The following UCN3 variants were observed in gnomAD, a reference collection of about 807,000 sequenced individuals.
UCN3 encodes the protein urocortin-3.
UCN3 carries 3 observed loss-of-function variants against 3.6 expected under a neutral mutation model. The ratio of observed to expected loss-of-function variants is 0.83; its 90% CI spans 0.38 to 2.15. The LOEUF is 2.15. Among genes scored for constraint, UCN3 ranks in the 30% most tolerant of loss-of-function variants. The pLI, the probability that UCN3 is intolerant of heterozygous loss-of-function variation, is 0.06. For synonymous variants in UCN3, 100 were observed against 93.2 expected, an observed-to-expected ratio of 1.07 and a Z score of -0.42; for missense variants, 206 against 208.3, an observed-to-expected ratio of 0.99 and a Z score of 0.07.
chr10:5,370,569 A>ATG (rs1210833023), intron 1 of UCN3, among the ~76,000 whole-genome samples: 2 of 61,238 alleles, frequency 3.3e-5, no homozygotes, highest in Non-Finnish European at 5.9e-5. Flanking sequence ...GTGTGTGTAT[A>ATG]TGCGTGTATA....
rs1554811417 is a variant in UCN3 at position 5,370,850 on chromosome 10, C to CGCGTGTGT, written c.-6-2863_-6-2856dup. ...GCGCGTGTGTGTGCGCGTGTGTGTG[C>CGCGTGTGT]GCGTGTGTGTGCGTGTGTATGTGTG... On this transcript the variant is annotated intron_variant, in intron 1 of 1. Transcript: ENST00000380433. Among the ~76,000 whole-genome samples, 7 of 63,652 alleles carry CGCGTGTGT rather than the reference C, an allele frequency of 1.1e-4. 1 individual carries two copies. Among genetic ancestry groups the CGCGTGTGT allele is most frequent in the Non-Finnish European group, 1.8e-4 (6 of 33,020 alleles). The allele number at this position is 63,652 out of a possible 152,430, so 41.8% of individuals were successfully genotyped here.
Position 5,366,940 on chromosome 10 carries a change from C to T in UCN3, c.-7+1710C>T, listed in dbSNP as rs564606429. ...TCCCTGACACTTTCACAGATTTTTC[C>T]ACACCTTCAGCACCCTAGCCGTGAT... On this transcript the variant is annotated intron_variant, in intron 1 of 1. Coordinates refer to ENST00000380433, the MANE Select transcript of UCN3 (RefSeq NM_053049.4). The surrounding 1 kb of genome is among the most constrained non-coding windows in gnomAD (Gnocchi z 4.2). Among the ~76,000 whole-genome samples the T allele has an allele frequency of 3.3e-5, 5 of 152,302 alleles. No homozygotes were observed. In the East Asian group the frequency reaches 7.7e-4, roughly 23 times the overall value.
At chr10:5,369,766 A>C (rs1831308962) in intron 1 of UCN3, among the ~76,000 whole-genome samples, 1 of 152,240 alleles carries the variant, frequency 6.6e-6, no homozygotes, top group South Asian at 2.1e-4. Context: ...TAGACAAAAA[A>C]ATTAAAGGAA....
At chr10:5,369,412 G>A (rs535109476) in intron 1 of UCN3, among the ~76,000 whole-genome samples, 1 of 152,314 alleles carries the variant, frequency 6.6e-6, no homozygotes, top group East Asian at 1.9e-4. Context: ...ACACATTGAC[G>A]TTTCTCATCG....
intron 1 of UCN3, among the ~76,000 whole-genome samples, chr10:5,369,931 G>GTA (rs1564442107): frequency 1.6e-5 from 2 of 127,222 alleles, no homozygotes; most frequent in African/African-American, 3.3e-5. Context: ...GTGTATGTGT[G>GTA]TGTGTGTATG....
In UCN3 at chr10:5,366,051, A is replaced by G. The variant is rs1834114724; in HGVS notation, c.-7+821A>G. 6.6e-6 allele frequency among the ~76,000 whole-genome samples: 1 copy of G among 152,226 alleles called. No homozygotes were observed. The highest frequency in any genetic ancestry group is 2.4e-5 in the African/African-American group (1 of 41,454). On this transcript the variant is annotated intron_variant, in intron 1 of 1. Coordinates refer to ENST00000380433, the MANE Select transcript of UCN3 (RefSeq NM_053049.4). The surrounding 1 kb of genome is among the most constrained non-coding windows in gnomAD (Gnocchi z 4.2). ...GTTTTAAGTGGTCTAGTTTCAGTTTAACTTCTTATCAGTGTTTGCAGACAA... is the reference window on the plus strand; with the variant it reads ...GTTTTAAGTGGTCTAGTTTCAGTTTGACTTCTTATCAGTGTTTGCAGACAA...
In UCN3 at chr10:5,374,262, G is replaced by A. The variant is rs1588403919; in HGVS notation, c.*56G>A. 1 of 427,664 alleles carries A rather than the reference G, an allele frequency of 2.3e-6. No individual in the cohort carries two copies. Among genetic ancestry groups the A allele is most frequent in the Non-Finnish European group, 4.3e-6 (1 of 233,278 alleles). The allele number at this position is 427,664 out of a possible 1,614,324, so 26.5% of individuals were successfully genotyped here. A position where few individuals can be genotyped will look rare whatever the true frequency, so the allele number is the denominator to read the frequency against. On this transcript the variant is annotated 3_prime_UTR_variant, in exon 2 of 2. Transcript: ENST00000380433. Reference sequence around the variant, plus strand: ...TGGGGAGGGGGAGGGGAGGGGGAGGGGAGGGCGAGGGGGGGAGGGGAGGGG... The same window carrying A: ...TGGGGAGGGGGAGGGGAGGGGGAGGAGAGGGCGAGGGGGGGAGGGGAGGGG...
chr10:5,371,037 C>G (rs1008650358), intron 1 of UCN3, among the ~76,000 whole-genome samples: 2 of 139,308 alleles, frequency 1.4e-5, no homozygotes, highest in South Asian at 2.3e-4. Flanking sequence ...GTGCATGTGT[C>G]TATATGTATG....
rs1324712715 is a variant in UCN3, at chr10:5,374,476, C to T, written c.*270C>T. 4 of 381,436 alleles carry T rather than the reference C, an allele frequency of 1.0e-5. No individual in the cohort carries two copies. The highest frequency in any genetic ancestry group is 1.9e-5 in the Non-Finnish European group (4 of 206,638). The allele number at this position is 381,436 out of a possible 1,614,324, so 23.6% of individuals were successfully genotyped here. The stretch of plus-strand genomic sequence containing the variant: ...AGCTAACGTTCCTCCCTGTACTCAG[C>T]GTCTCCTTCCTCCCTCCCCACAGCA... On this transcript the variant is annotated 3_prime_UTR_variant, in exon 2 of 2. Coordinates refer to ENST00000380433, the MANE Select transcript of UCN3 (RefSeq NM_053049.4).
At position 5,369,873 on chromosome 10, in the gene UCN3, A is replaced by ATGTGTGTGTGTGTATATGTGTGTGTG. The variant is rs1564441995; in HGVS notation, c.-6-3841_-6-3840insGTGTGTGTGTGTATATGTGTGTGTGT. On this transcript the variant is annotated intron_variant, in intron 1 of 1. Coordinates refer to ENST00000380433, the MANE Select transcript of UCN3 (RefSeq NM_053049.4). The stretch of plus-strand genomic sequence containing the variant: ...CATTTATCCACGTGGGTGTGTGTGT[A>ATGTGTGTGTGTGTATATGTGTGTGTG]TATGTGTGTGTATATGTGTGTGTGT... Among the ~76,000 whole-genome samples, 8 of 66,142 alleles carry ATGTGTGTGTGTGTATATGTGTGTGTG rather than the reference A, an allele frequency of 1.2e-4. 1 individual carries two copies. The highest frequency in any genetic ancestry group is 4.6e-4 in the African/African-American group (8 of 17,244). 43.4% of individuals were successfully genotyped at this position (66,142 alleles called of 152,430 possible). A position where few individuals can be genotyped will look rare whatever the true frequency, so the allele number is the denominator to read the frequency against.
In UCN3 at chr10:5,374,406, TAC is replaced by T. The variant is rs1478318086; in HGVS notation, c.*206_*207del. 1.7e-6 allele frequency: 1 copy of T among 592,738 alleles called. No individual in the cohort carries two copies. Among genetic ancestry groups the T allele is most frequent in the Non-Finnish European group, 3.0e-6 (1 of 338,372 alleles). The allele number at this position is 592,738 out of a possible 1,614,324, so 36.7% of individuals were successfully genotyped here. On this transcript the variant is annotated 3_prime_UTR_variant, in exon 2 of 2. Transcript: ENST00000380433. ...CCCTGTCTCCCTCCTGCTCTGTCTGTACACACAGAAGTGCAGTATTGTCCAAC... is the reference window on the plus strand; with the variant it reads ...CCCTGTCTCCCTCCTGCTCTGTCTGTACACAGAAGTGCAGTATTGTCCAAC...
chr10:5,371,512 G>T (rs1048731563), intron 1 of UCN3, among the ~76,000 whole-genome samples: 6 of 152,122 alleles, frequency 3.9e-5, no homozygotes, highest in South Asian at 2.1e-4. Context: ...AAGAGACCCA[G>T]GCTCCCTTTG....
chr10:5,370,102 CGT>C (rs1322858289), intron 1 of UCN3, among the ~76,000 whole-genome samples: 6 of 33,284 alleles, frequency 1.8e-4, no homozygotes, highest in African/African-American at 5.3e-4. Context: ...TGTGTATATG[CGT>C]GTGTATATGT....
chr10:5,370,655 ATG>A lies in UCN3; in HGVS notation c.-6-3052_-6-3051del, dbSNP rs1277584252. Among the ~76,000 whole-genome samples, 62 of 56,804 alleles carry A rather than the reference ATG, an allele frequency of 1.1e-3. 9 individuals carry two copies. Among genetic ancestry groups the A allele is most frequent in the South Asian group, 2.5e-3 (3 of 1,196 alleles). 37.3% of individuals were successfully genotyped at this position (56,804 alleles called of 152,430 possible). A position where few individuals can be genotyped will look rare whatever the true frequency, so the allele number is the denominator to read the frequency against. Reference sequence around the variant, plus strand: ...TGTATGTGTGTGTATATGTGTGTGTATGTGTGTGTATGTGTGTGTATGTGTGT... The same window carrying A: ...TGTATGTGTGTGTATATGTGTGTGTATGTGTGTATGTGTGTGTATGTGTGT... On this transcript the variant is annotated intron_variant, in intron 1 of 1. Coordinates refer to ENST00000380433, the MANE Select transcript of UCN3 (RefSeq NM_053049.4).
At position 5,369,841 on chromosome 10, in the gene UCN3, G is replaced by C. The variant is rs1004589449; in HGVS notation, c.-6-3874G>C. Among the ~76,000 whole-genome samples the C allele has an allele frequency of 1.3e-5, 2 of 151,326 alleles. 1 individual carries two copies. Among genetic ancestry groups the C allele is most frequent in the Non-Finnish European group, 2.9e-5 (2 of 67,916 alleles). On this transcript the variant is annotated intron_variant, in intron 1 of 1. Transcript: ENST00000380433. ...AACAGGCTTTGACAGGAAATGTGCTGGGTAAACATTTATCCACGTGGGTGT... is the reference window on the plus strand; with the variant it reads ...AACAGGCTTTGACAGGAAATGTGCTCGGTAAACATTTATCCACGTGGGTGT...
chr10:5,370,066 T>C (rs148690627), intron 1 of UCN3, among the ~76,000 whole-genome samples: 2 of 42,272 alleles, frequency 4.7e-5, no homozygotes, highest in African/African-American at 1.8e-4. Context: ...TGTGTGTATA[T>C]GTGTGTATAT....
At position 5,374,599 on chromosome 10, in the gene UCN3, T is replaced by C. The variant is rs114840764; in HGVS notation, c.*393T>C. 8,477 of 170,430 alleles carry C rather than the reference T, an allele frequency of 0.05. 366 individuals are homozygous for C. The highest frequency in any genetic ancestry group is 0.12 in the East Asian group (705 of 6,048). The allele number at this position is 170,430 out of a possible 1,614,324, so 10.6% of individuals were successfully genotyped here. On this transcript the variant is annotated 3_prime_UTR_variant, in exon 2 of 2. Coordinates refer to ENST00000380433, the MANE Select transcript of UCN3 (RefSeq NM_053049.4). The stretch of plus-strand genomic sequence containing the variant: ...AGGGCTCCTCTCCCACACATCAACT[T>C]CTTCCAGGGCAGAAAGAGGAGCTGC...
intron 1 of UCN3, among the ~76,000 whole-genome samples, chr10:5,370,364 TGC>T (rs1491562325): frequency 4.8e-5 from 3 of 62,860 alleles, no homozygotes; most frequent in Admixed American, 1.5e-4. Context: ...TGTGTGTATA[TGC>T]GTGTGTATAT....
At position 5,370,843 on chromosome 10, in the gene UCN3, G is replaced by GTGTGTGCGCA. The variant is rs1831403170; in HGVS notation, c.-6-2863_-6-2862insATGTGTGCGC. Among the ~76,000 whole-genome samples, 7 of 78,970 alleles carry GTGTGTGCGCA rather than the reference G, an allele frequency of 8.9e-5. 2 individuals are homozygous for GTGTGTGCGCA. Among genetic ancestry groups the GTGTGTGCGCA allele is most frequent in the African/African-American group, 2.2e-4 (4 of 18,480 alleles). 51.8% of individuals were successfully genotyped at this position (78,970 alleles called of 152,430 possible). ...TGTGTGCGCGCGTGTGTGTGCGCGTGTGTGTGCGCGTGTGTGTGCGTGTGT... is the reference window on the plus strand; with the variant it reads ...TGTGTGCGCGCGTGTGTGTGCGCGTGTGTGTGCGCATGTGTGCGCGTGTGTGTGCGTGTGT... On this transcript the variant is annotated intron_variant, in intron 1 of 1. Transcript: ENST00000380433.
Sources: allele counts gnomAD v4.1 joint callset (sites outside exome capture counted in the v4.1 genomes callset), GRCh38; gene constraint gnomAD v4.1.1; non-coding constraint Gnocchi (gnomAD v3.1); transcripts MANE v1.5; gene names NCBI Gene and HGNC (gene_info 2026-07-23, HGNC 2026-07-21).